The following ARCN1 variants were observed in gnomAD, a reference collection of about 807,000 sequenced individuals.
ARCN1 encodes the protein coatomer subunit delta.
A neutral mutation model predicts 60.4 loss-of-function variants in ARCN1; 5 were observed. That is an observed-to-expected ratio of 0.08 (90% CI 0.04 to 0.17). The LOEUF is 0.17. ARCN1 is among the 10% of genes least tolerant of loss of function. ARCN1 has a pLI of 1.00. For missense variants in ARCN1, 464 were observed against 626.5 expected (o/e 0.74, Z 2.77); for synonymous variants, 224 against 220.0 (o/e 1.02, Z -0.16).
intron 4 of ARCN1, 83 bp downstream of exon 4, chr11:118,584,097 GCTGT>G: frequency 7.3e-7 from 1 of 1,361,588 alleles, no homozygotes; most frequent in Non-Finnish European, 1.0e-6. Flanking sequence ...TTCTTGGAAA[GCTGT>G]AAATAAAGAA....
At position 118,578,874 on chromosome 11, in the gene ARCN1, CTTTTTTTTTTTTT is replaced by C. The variant is rs56050047; in HGVS notation, c.4-2352_4-2340del. ...GGCAACATGGCAAAACCCCGTCTCT[CTTTTTTTTTTTTT>C]TTTTTTTTTTTTTTTTTTTAATAAA... On this transcript the variant is annotated intron_variant, in intron 1 of 9. Transcript: ENST00000264028. Among the ~76,000 whole-genome samples, 630 of 83,494 alleles carry C rather than the reference CTTTTTTTTTTTTT, an allele frequency of 7.5e-3. 5 individuals carry two copies. The highest frequency in any genetic ancestry group is 0.016 in the African/African-American group (342 of 21,034). 54.8% of individuals were successfully genotyped at this position (83,494 alleles called of 152,430 possible). A position where few individuals can be genotyped will look rare whatever the true frequency, so the allele number is the denominator to read the frequency against.
rs1302669946 is a variant in ARCN1, at chr11:118,602,884, AAAG to A, written c.*2174_*2176del. 1 of 153,708 alleles carries A rather than the reference AAAG, an allele frequency of 6.5e-6. No homozygotes were observed. Among genetic ancestry groups the A allele is most frequent in the African/African-American group, 2.4e-5 (1 of 41,460 alleles). The allele number at this position is 153,708 out of a possible 1,614,324, so 9.5% of individuals were successfully genotyped here. A position where few individuals can be genotyped will look rare whatever the true frequency, so the allele number is the denominator to read the frequency against. On this transcript the variant is annotated 3_prime_UTR_variant, in exon 10 of 10. Coordinates refer to ENST00000264028, the MANE Select transcript of ARCN1 (RefSeq NM_001655.5). ...GGGAATATAACATTCCAGTGTATAC[AAAG>A]AAGGCAAATTCTTTAATCAAATAAA...
chr11:118,590,731 G>T (rs1012302380), intron 6 of ARCN1, among the ~76,000 whole-genome samples: 11 of 152,192 alleles, frequency 7.2e-5, no homozygotes, highest in Admixed American at 7.2e-4. Context: ...TGAATAAAAG[G>T]TCATTTCGAA....
intron 6 of ARCN1, among the ~76,000 whole-genome samples, chr11:118,592,494 T>C (rs533668697): frequency 6.6e-6 from 1 of 152,240 alleles, no homozygotes; most frequent in South Asian, 2.1e-4. Flanking sequence ...GAGTTGAAAT[T>C]AGCTTTTTTT....
intron 7 of ARCN1, among the ~76,000 whole-genome samples, chr11:118,593,359 C>A (rs980283859): frequency 1.3e-5 from 2 of 150,276 alleles, no homozygotes; most frequent in Admixed American, 1.3e-4. Flanking sequence ...TCCTGAGTAG[C>A]TAGGAGAACA....
At position 118,592,753 on chromosome 11, in the gene ARCN1, A is replaced by C; in HGVS notation, c.1029A>C (p.Leu343=). 1 of 1,614,018 alleles carries C rather than the reference A, an allele frequency of 6.2e-7. No homozygotes were observed. The highest frequency in any genetic ancestry group is 8.5e-7 in the Non-Finnish European group (1 of 1,179,946). The stretch of plus-strand genomic sequence containing the variant: ...AAAAACTTTTCACTGCAGAGTCTCT[A>C]ATTGGCCTGAAGAATCCAGAGAAGT... ...VDKKLFTAES[L]IGLKNPEKSF... Residue 343 remains leucine (L), a synonymous_variant, in exon 7 of 10, where the codon CTA becomes CTC. Coordinates refer to ENST00000264028, the MANE Select transcript of ARCN1 (RefSeq NM_001655.5).
chr11:118,575,336 G>T (rs965698834), intron 1 of ARCN1, among the ~76,000 whole-genome samples: 1 of 151,992 alleles, frequency 6.6e-6, no homozygotes, highest in African/African-American at 2.4e-5. Flanking sequence ...GAAAGAAAAT[G>T]ATTCTCTTGA....
At chr11:118,585,487 C>T (rs1404674183) in intron 5 of ARCN1, among the ~76,000 whole-genome samples, 3 of 152,138 alleles carry the variant, frequency 2.0e-5, no homozygotes, top group Non-Finnish European at 2.9e-5. Context: ...AATCTTTAAT[C>T]CAAAACTTGT....
chr11:118,573,572 C>T lies in ARCN1; in HGVS notation c.3+1022C>T. On this transcript the variant is annotated intron_variant, in intron 1 of 9. Coordinates refer to ENST00000264028, the MANE Select transcript of ARCN1 (RefSeq NM_001655.5). ...TTCAGTGCACCTTATGTCCTTTAGT[C>T]TTTTGAAGGATGTTCTGTTCTGTTC... 4.7e-6 allele frequency: 3 copies of T among 644,280 alleles called. No homozygotes were observed. The South Asian group carries it at 5.0e-5, about 11-fold the overall frequency. 39.9% of individuals were successfully genotyped at this position (644,280 alleles called of 1,614,324 possible).
At chr11:118,584,399 G>A in intron 4 of ARCN1, 81 bp from the exon 5 acceptor site, 4 of 1,336,134 alleles carry the variant, frequency 3.0e-6, no homozygotes, top group South Asian at 1.5e-5. Context: ...TCTCTGGACG[G>A]GAGATACAAA....
intron 8 of ARCN1, among the ~76,000 whole-genome samples, chr11:118,596,603 C>A (rs146521491): frequency 1.2e-4 from 19 of 152,286 alleles, no homozygotes; most frequent in African/African-American, 4.6e-4. Flanking sequence ...TACTTTGTCT[C>A]CCTTATTTAC....
rs574042515 is a variant in ARCN1 at position 118,572,776 on chromosome 11, C to G, written c.3+226C>G. ...GTCGTGCCCGCTTCCGCACCACCCC[C>G]CAACCAGCTGGACTCCCTCGTTTGC... is the stretch of plus-strand genomic sequence containing the variant. On this transcript the variant is annotated intron_variant, in intron 1 of 9. Coordinates refer to ENST00000264028, the MANE Select transcript of ARCN1 (RefSeq NM_001655.5). 67 of 489,586 alleles carry G rather than the reference C, an allele frequency of 1.4e-4. 1 individual carries two copies. In the South Asian group the frequency reaches 2.2e-3, roughly 16 times the overall value. 30.3% of individuals were successfully genotyped at this position (489,586 alleles called of 1,614,324 possible). A position where few individuals can be genotyped will look rare whatever the true frequency, so the allele number is the denominator to read the frequency against.
intron 5 of ARCN1, among the ~76,000 whole-genome samples, chr11:118,589,299 AGG>A (rs1555075914): frequency 6.6e-6 from 1 of 152,230 alleles, no homozygotes; most frequent in African/African-American, 2.4e-5. Context: ...AATCTGGAAA[AGG>A]GTATATATGT....
In ARCN1 at chr11:118,584,590, G is replaced by T; in HGVS notation, c.764G>T (p.Gly255Val). 1 of 1,613,186 alleles carries T rather than the reference G, an allele frequency of 6.2e-7. No homozygotes were observed. The highest frequency in any genetic ancestry group is 8.5e-7 in the Non-Finnish European group (1 of 1,179,736). Residue 255 changes from glycine (G) to valine (V), a missense_variant, in exon 5 of 10, where the codon GGC becomes GTC. By Grantham distance (109) the Gly-to-Val change is moderately radical. Transcript: ENST00000264028. ...GAAACCATCATGTCCTCTAGTATGG[G>T]CAAGCGTACTTCTGAAGCAACCAAA... is the stretch of plus-strand genomic sequence containing the variant. ...EGETIMSSSM[G>V]KRTSEATKMH... is the part of the protein sequence containing the mutation.
chr11:118,574,363 T>C (rs1225608826), intron 1 of ARCN1, among the ~76,000 whole-genome samples: 1 of 152,166 alleles, frequency 6.6e-6, no homozygotes, highest in Non-Finnish European at 1.5e-5. Context: ...AATTTTTATC[T>C]AAAAGTTGTA....
chr11:118,590,528 G>A (rs1938881085), intron 6 of ARCN1, 22 bp downstream of exon 6: 13 of 1,611,962 alleles, frequency 8.1e-6, no homozygotes, highest in African/African-American at 1.3e-5. Flanking sequence ...CTTTTGATAG[G>A]GAGTATTAAC....
chr11:118,599,037 G>A (rs868907992), intron 9 of ARCN1, among the ~76,000 whole-genome samples: 10 of 149,718 alleles, frequency 6.7e-5, no homozygotes, highest in Admixed American at 2.0e-4. Context: ...GAGGTGATCC[G>A]CCCACCTCAG....
At chr11:118,583,064 G>T (rs893802562) in intron 2 of ARCN1, 115 bp from the exon 3 acceptor site, 6 of 1,198,630 alleles carry the variant, frequency 5.0e-6, no homozygotes, top group Non-Finnish European at 7.1e-6. Context: ...AAGACTAGAA[G>T]TAGCTAATAA....
In ARCN1 at chr11:118,583,346, A is replaced by G. The variant is rs781864494; in HGVS notation, c.435A>G (p.Arg145=). The part of the protein sequence containing the change: ...EMDSHEEKVF[R]AVRETQEREA... ...ATTCTCATGAGGAGAAGGTGTTCAG[A>G]GCCGTCAGAGAGGTAAATAGGATCT... The change falls in exon 3 of 10, where the codon AGA becomes AGG. Residue 145 remains arginine (R), a synonymous_variant. Coordinates refer to ENST00000264028, the MANE Select transcript of ARCN1 (RefSeq NM_001655.5). 1 of 1,611,404 alleles carries G rather than the reference A, an allele frequency of 6.2e-7. No homozygotes were observed. Among genetic ancestry groups the G allele is most frequent in the South Asian group, 1.1e-5 (1 of 90,710 alleles).
Sources: allele counts gnomAD v4.1 joint callset (sites outside exome capture counted in the v4.1 genomes callset), GRCh38; gene constraint gnomAD v4.1.1; transcripts MANE v1.5; gene names NCBI Gene and HGNC (gene_info 2026-07-23, HGNC 2026-07-21).